PNPLA3: variants seen among roughly 807,000 people sequenced by gnomAD.
PNPLA3 encodes the protein patatin like domain 3, 1-acylglycerol-3-phosphate O-acyltransferase, also known as 1-acylglycerol-3-phosphate O-acyltransferase PNPLA3.
A neutral mutation model predicts 43.1 loss-of-function variants in PNPLA3; 42 were observed. That is an observed-to-expected ratio of 0.97 (90% CI 0.76 to 1.26). PNPLA3 has a LOEUF of 1.26. PNPLA3 is among the 50% of genes most tolerant of loss of function. The pLI is 0.00. For synonymous variants in PNPLA3, 272 were observed against 253.6 expected (o/e 1.07, Z -0.69); for missense variants, 647 against 621.4 (o/e 1.04, Z -0.44).
chr22:43,923,949 C>G lies in PNPLA3; in HGVS notation c.38C>G (p.Ala13Gly), dbSNP rs768596774. The G allele has an allele frequency of 4.4e-6, 7 of 1,581,052 alleles. No homozygotes were observed. The highest frequency in any genetic ancestry group is 6.0e-6 in the Non-Finnish European group (7 of 1,172,104). The change falls in exon 1 of 9, where the codon GCG becomes GGG. Residue 13 changes from alanine (A) to glycine (G), a missense_variant. Transcript: ENST00000216180. Reference sequence around the variant, plus strand: ...GAGCGCGGCTGGAGCTTGTCCTTCGCGGGCTGCGGCTTCCTGGGCTTCTAC... The same window carrying G: ...GAGCGCGGCTGGAGCTTGTCCTTCGGGGGCTGCGGCTTCCTGGGCTTCTAC... ...DAERGWSLSFAGCGFLGFYHV... is the reference protein window; with the variant it reads ...DAERGWSLSFGGCGFLGFYHV...
At chr22:43,927,718 G>A (rs1199926523) in intron 2 of PNPLA3, among the ~76,000 whole-genome samples, 6 of 152,076 alleles carry the variant, frequency 3.9e-5, no homozygotes, top group South Asian at 4.2e-4. Flanking sequence ...GTGCAGTGGC[G>A]CAATCTCAAC....
rs201018970 is a variant in PNPLA3, at chr22:43,937,286, G to A, written c.979+14G>A. 48 of 1,610,512 alleles carry A rather than the reference G, an allele frequency of 3.0e-5. No homozygotes were observed. The highest frequency in any genetic ancestry group is 6.7e-5 in the African/African-American group (5 of 75,010). ...GGCTCGCTACAGGTACCCACTCCTC[G>A]GGGTGAGCACGGGCAGCACCTTGTT... On this transcript the variant is annotated intron_variant, in intron 6 of 8. Coordinates refer to ENST00000216180, the MANE Select transcript of PNPLA3 (RefSeq NM_025225.3).
At chr22:43,927,268 G>A in intron 2 of PNPLA3, 101 bp downstream of exon 2, 1 of 1,078,386 alleles carries the variant, frequency 9.3e-7, no homozygotes, top group Non-Finnish European at 1.4e-6. Flanking sequence ...GGAGGCCGAA[G>A]CGGGTGGGTT....
rs904123337 is a variant in PNPLA3 at position 43,947,536 on chromosome 22, T to A, written c.*1154T>A. On this transcript the variant is annotated 3_prime_UTR_variant, in exon 9 of 9. Transcript: ENST00000216180. ...CACATGGTCAGTGAGTTTCTCCCCATGTGTGGCGATGAGAGAGTGTAGAAA... is the reference window on the plus strand; with the variant it reads ...CACATGGTCAGTGAGTTTCTCCCCAAGTGTGGCGATGAGAGAGTGTAGAAA... 1 of 169,598 alleles carries A rather than the reference T, an allele frequency of 5.9e-6. No homozygotes were observed. The highest frequency in any genetic ancestry group is 6.4e-5 in the Admixed American group (1 of 15,744). The allele number at this position is 169,598 out of a possible 1,614,324, so 10.5% of individuals were successfully genotyped here.
chr22:43,944,660 T>C, intron 7 of PNPLA3, 31 bp from the exon 8 acceptor site: 1 of 1,563,938 alleles, frequency 6.4e-7, no homozygotes, highest in Non-Finnish European at 8.8e-7. Context: ...TGCCTATGTG[T>C]GTGTTTGTGT....
Position 43,934,641 on chromosome 22 carries a change from T to G in PNPLA3, c.732T>G (p.Asp244Glu), listed in dbSNP as rs1432013077. ...LGEICLRGYL[D>E]AFRFLEEKGI... is the part of the protein sequence containing the mutation. ...AGATATGCCTTCGAGGATATTTGGA[T>G]GCATTCAGGTTCTTGGAAGAGAAGG... Residue 244 changes from aspartate to glutamate, a missense_variant, in exon 5 of 9, where the codon GAT becomes GAG. Asp to Glu is a conservative substitution (Grantham distance 45). Transcript: ENST00000216180. 6.2e-7 allele frequency: 1 copy of G among 1,613,942 alleles called. No homozygotes were observed. Among genetic ancestry groups the G allele is most frequent in the Admixed American group, 1.7e-5 (1 of 60,022 alleles).
In PNPLA3 at chr22:43,946,404, A is replaced by G; in HGVS notation, c.*22A>G. On this transcript the variant is annotated 3_prime_UTR_variant, in exon 9 of 9. Coordinates refer to ENST00000216180, the MANE Select transcript of PNPLA3 (RefSeq NM_025225.3). Reference sequence around the variant, plus strand: ...GTGAGTCACTTGAGGAGGCGAGTCTAGCAGATTCTTTCAGAGGTGCTAAAG... The same window carrying G: ...GTGAGTCACTTGAGGAGGCGAGTCTGGCAGATTCTTTCAGAGGTGCTAAAG... 2 of 1,606,212 alleles carry G rather than the reference A, an allele frequency of 1.2e-6. No individual in the cohort carries two copies. Among genetic ancestry groups the G allele is most frequent in the Non-Finnish European group, 1.7e-6 (2 of 1,172,862 alleles).
At chr22:43,932,519 C>A (rs1448859955) in intron 3 of PNPLA3, among the ~76,000 whole-genome samples, 2 of 152,204 alleles carry the variant, frequency 1.3e-5, no homozygotes, top group African/African-American at 4.8e-5. Context: ...CCCTTTAGTT[C>A]ATATGACCCC....
intron 6 of PNPLA3, 64 bp from the exon 7 acceptor site, chr22:43,939,929 C>T (rs2050020421): frequency 1.9e-6 from 3 of 1,611,696 alleles, no homozygotes; most frequent in Non-Finnish European, 1.7e-6. Flanking sequence ...TAAGCACCAA[C>T]AGAGTAAAGT....
At chr22:43,934,415 C>A (rs117013358) in intron 4 of PNPLA3, among the ~76,000 whole-genome samples, 191 bp from the exon 5 acceptor site, 2 of 152,032 alleles carry the variant, frequency 1.3e-5, no homozygotes, top group African/African-American at 4.8e-5. Flanking sequence ...ACATTCAAGC[C>A]GAGACCTCCA....
intron 3 of PNPLA3, 113 bp downstream of exon 3, chr22:43,929,002 G>A: frequency 9.2e-7 from 1 of 1,089,898 alleles, no homozygotes. Flanking sequence ...TCCCATGGTG[G>A]AGCCCCATGC....
chr22:43,930,992 T>C (rs2049958162), intron 3 of PNPLA3, among the ~76,000 whole-genome samples: 2 of 152,208 alleles, frequency 1.3e-5, no homozygotes, highest in Non-Finnish European at 2.9e-5. Flanking sequence ...CTGGGCGTGG[T>C]GGCGGGCGCC....
At chr22:43,942,701 C>CTTTTTTTTTTTTTTTTT (rs398037291) in intron 7 of PNPLA3, among the ~76,000 whole-genome samples, 2 of 113,678 alleles carry the variant, frequency 1.8e-5, no homozygotes, top group Admixed American at 1.1e-4. Context: ...TTTCTTTTTT[C>CTTTTTTTTTTTTTTTTT]TTTTTTTTTT....
chr22:43,942,367 G>A (rs1229081468), intron 7 of PNPLA3, among the ~76,000 whole-genome samples: 2 of 152,208 alleles, frequency 1.3e-5, no homozygotes, highest in East Asian at 1.9e-4. Flanking sequence ...TGTGTGTTGG[G>A]AAACGTGCTT....
At chr22:43,926,372 A>G (rs1314699107) in intron 1 of PNPLA3, among the ~76,000 whole-genome samples, 20 of 152,304 alleles carry the variant, frequency 1.3e-4, no homozygotes, top group Non-Finnish European at 2.9e-5. Flanking sequence ...AGGCCAGGCC[A>G]GTAAGTGAGG....
chr22:43,942,689 ATTTTCTT>A (rs1468733668), intron 7 of PNPLA3, among the ~76,000 whole-genome samples: 16 of 115,240 alleles, frequency 1.4e-4, no homozygotes, highest in South Asian at 8.5e-4. Flanking sequence ...CTTCCCTTCC[ATTTTCTT>A]TTTTCTTTTT....
chr22:43,945,045 A>T (rs1406183634), intron 8 of PNPLA3, among the ~76,000 whole-genome samples: 1 of 152,196 alleles, frequency 6.6e-6, no homozygotes, highest in Non-Finnish European at 1.5e-5. Context: ...CTTTGAGTGC[A>T]GCATTGATGG....
chr22:43,943,129 T>A (rs1158600544), intron 7 of PNPLA3, among the ~76,000 whole-genome samples: 1 of 152,214 alleles, frequency 6.6e-6, no homozygotes, highest in Non-Finnish European at 1.5e-5. Context: ...CCAAGAGTAC[T>A]CTCTTGTTCT....
intron 1 of PNPLA3, among the ~76,000 whole-genome samples, chr22:43,924,722 A>C (rs561899678): frequency 6.7e-5 from 10 of 148,392 alleles, no homozygotes; most frequent in African/African-American, 2.5e-4. Context: ...ATCTCAACTC[A>C]CTGCAAGCTC....
Sources: allele counts gnomAD v4.1 joint callset (sites outside exome capture counted in the v4.1 genomes callset), GRCh38; gene constraint gnomAD v4.1.1; transcripts MANE v1.5; gene names NCBI Gene and HGNC (gene_info 2026-07-23, HGNC 2026-07-21).